TSPAN11: variants seen among roughly 807,000 people sequenced by gnomAD.
TSPAN11 encodes tetraspanin-11.
TSPAN11 carries 29 observed loss-of-function variants against 32.9 expected under a neutral mutation model. That is an observed-to-expected ratio of 0.88 (90% CI 0.66 to 1.20). TSPAN11 has a LOEUF of 1.20. TSPAN11 is among the 50% of genes most tolerant of loss of function. The pLI, the probability that TSPAN11 is intolerant of heterozygous loss-of-function variation, is 0.00. For synonymous variants in TSPAN11, 140 were observed against 141.3 expected (o/e 0.99, Z 0.07); for missense variants, 283 against 329.1 (o/e 0.86, Z 1.08).
At chr12:30,974,388 T>C (rs1195310303) in intron 3 of TSPAN11, among the ~76,000 whole-genome samples, 1 of 152,246 alleles carries the variant, frequency 6.6e-6, no homozygotes, top group Non-Finnish European at 1.5e-5. Context: ...CTCGACCCTC[T>C]AGATACTCCT....
chr12:30,976,525 G>A (rs559811073), intron 3 of TSPAN11, among the ~76,000 whole-genome samples: 8 of 152,182 alleles, frequency 5.3e-5, no homozygotes, highest in South Asian at 2.1e-4. Context: ...ATCCACAGAC[G>A]CTCTCTTCAG....
At chr12:30,972,218 G>A (rs189848979) in intron 3 of TSPAN11, among the ~76,000 whole-genome samples, 1 of 152,188 alleles carries the variant, frequency 6.6e-6, no homozygotes, top group African/African-American at 2.4e-5. Flanking sequence ...GAGTGGAGCT[G>A]GAGGTCAGTG....
chr12:30,927,895 C>CT, intron 1 of TSPAN11, among the ~76,000 whole-genome samples: 1 of 152,258 alleles, frequency 6.6e-6, no homozygotes, highest in African/African-American at 2.4e-5. Context: ...CCCCATCTGT[C>CT]TCCCAAGGGA....
At chr12:30,969,634 C>T (rs768369661) in intron 3 of TSPAN11, among the ~76,000 whole-genome samples, 1 of 152,208 alleles carries the variant, frequency 6.6e-6, no homozygotes, top group Non-Finnish European at 1.5e-5. Flanking sequence ...AATCCAGCAG[C>T]ATTGTCTTGA....
downstream of TSPAN11, among the ~76,000 whole-genome samples, chr12:31,001,320 C>T (rs1438967335): frequency 2.0e-5 from 3 of 152,232 alleles, no homozygotes; most frequent in African/African-American, 7.2e-5. Context: ...GGTTAACTAA[C>T]ACATCCTGTC....
chr12:30,953,534 C>T (rs1938422721), intron 1 of TSPAN11, among the ~76,000 whole-genome samples: 1 of 152,160 alleles, frequency 6.6e-6, no homozygotes, highest in Non-Finnish European at 1.5e-5. Context: ...AGGTGCTCTG[C>T]TCTGGGGCTC....
chr12:31,009,516 T>G, the TSPAN11 span, among the ~76,000 whole-genome samples: 1 of 152,168 alleles, frequency 6.6e-6, no homozygotes, highest in Non-Finnish European at 1.5e-5. Context: ...AACAGCCAGA[T>G]ATGGGCTGTG....
chr12:30,957,228 A>AGC (rs1938497110), intron 2 of TSPAN11, among the ~76,000 whole-genome samples: 2 of 107,468 alleles, frequency 1.9e-5, no homozygotes, highest in East Asian at 2.6e-4. Flanking sequence ...ATGGCCTGGG[A>AGC]CCCCCCCCCC....
At chr12:30,939,868 TCCTG>T (rs1412808150) in intron 1 of TSPAN11, among the ~76,000 whole-genome samples, 1 of 152,238 alleles carries the variant, frequency 6.6e-6, no homozygotes, top group Non-Finnish European at 1.5e-5. Flanking sequence ...AATGGAACTG[TCCTG>T]TTCACATTGG....
chr12:31,005,128 C>G, the TSPAN11 span, among the ~76,000 whole-genome samples: 2 of 152,150 alleles, frequency 1.3e-5, no homozygotes, highest in Admixed American at 6.5e-5. Context: ...TCCCACAGGT[C>G]CCCCACACTT....
chr12:30,956,856 A>T (rs767300772), intron 2 of TSPAN11, among the ~76,000 whole-genome samples: 11 of 152,206 alleles, frequency 7.2e-5, no homozygotes, highest in Non-Finnish European at 1.0e-4. Context: ...GGCTATGGGG[A>T]GCACTGAGGA....
intron 3 of TSPAN11, 122 bp from the exon 4 acceptor site, chr12:30,978,439 G>A (rs576013949): frequency 2.2e-6 from 2 of 929,696 alleles, no homozygotes; most frequent in East Asian, 4.8e-5. Context: ...CATCCAGGAG[G>A]AAGATGGCAT....
At chr12:30,963,171 G>C (rs1421779310) in intron 2 of TSPAN11, among the ~76,000 whole-genome samples, 1 of 152,188 alleles carries the variant, frequency 6.6e-6, no homozygotes, top group Non-Finnish European at 1.5e-5. Flanking sequence ...CAAGAACCCT[G>C]ACTCTTCAAT....
chr12:30,944,053 G>A (rs1409175077), intron 1 of TSPAN11, among the ~76,000 whole-genome samples: 1 of 152,198 alleles, frequency 6.6e-6, no homozygotes, highest in Admixed American at 6.5e-5. Flanking sequence ...GGGGTGGGGA[G>A]TGGAGTCTAG....
At position 30,963,888 on chromosome 12, in the gene TSPAN11, C is replaced by G. The variant is rs61746079; in HGVS notation, c.147C>G (p.Leu49=). The G allele has an allele frequency of 1.2e-3, 1,992 of 1,613,306 alleles. 32 individuals carry two copies. In the African/African-American group the frequency reaches 0.024, roughly 20 times the overall value. ...CCCTGGTGGAGAAGAGTGGCTACCT[C>G]AGCGTCCTGGCCTCCAGCACCTTTG... ...IWTLVEKSGY[L]SVLASSTFAA... The change falls in exon 3 of 8, where the codon CTC becomes CTG. Residue 49 remains leucine, a synonymous_variant. Transcript: ENST00000546076.
At chr12:30,957,250 G>T (rs1035424786) in intron 2 of TSPAN11, among the ~76,000 whole-genome samples, 4 of 109,928 alleles carry the variant, frequency 3.6e-5, no homozygotes, top group Admixed American at 1.1e-4. Flanking sequence ...CCCACACCAT[G>T]GTCTTCTGCC....
chr12:30,961,644 G>A lies in TSPAN11; in HGVS notation c.85-2182G>A, dbSNP rs561827634. Reference sequence around the variant, plus strand: ...AGCCTAAGGACTGGGACGGGGTGGAGGCTCTCAAAACATTAGATCCTGGGG... The same window carrying A: ...AGCCTAAGGACTGGGACGGGGTGGAAGCTCTCAAAACATTAGATCCTGGGG... On this transcript the variant is annotated intron_variant, in intron 2 of 7. Transcript: ENST00000546076. Among the ~76,000 whole-genome samples, 12 of 152,106 alleles carry A rather than the reference G, an allele frequency of 7.9e-5. 1 individual carries two copies. The South Asian group carries it at 2.5e-3, about 32-fold the overall frequency.
intron 3 of TSPAN11, among the ~76,000 whole-genome samples, chr12:30,977,509 T>C (rs564277915): frequency 1.4e-4 from 21 of 152,250 alleles, no homozygotes; most frequent in African/African-American, 4.6e-4. Context: ...TTCCCCACAG[T>C]GGGGCCAATT....
intron 3 of TSPAN11, among the ~76,000 whole-genome samples, chr12:30,964,800 C>G (rs1325716432): frequency 3.3e-5 from 5 of 152,224 alleles, no homozygotes; most frequent in Non-Finnish European, 7.3e-5. Context: ...CCCAGTTGAC[C>G]CATAAACTGT....
Sources: gnomAD v4.1 joint callset for allele counts (sites outside exome capture counted in the v4.1 genomes callset) on GRCh38, gnomAD v4.1.1 for gene constraint, MANE v1.5 for transcripts, NCBI Gene and HGNC (gene_info 2026-07-23, HGNC 2026-07-21) for gene names.